CHST11: variants seen among roughly 807,000 people sequenced by gnomAD.
CHST11 encodes carbohydrate sulfotransferase 11, also known as C4S-1.
A neutral mutation model predicts 30.4 loss-of-function variants in CHST11; 9 were observed. The observed-to-expected ratio is 0.30, with a 90% CI of 0.18 to 0.52. The LOEUF (loss-of-function observed/expected upper bound fraction) is 0.52, where lower values mean the gene tolerates loss of function less well. CHST11 is among the 20% of genes least tolerant of loss of function. The probability of loss-of-function intolerance (pLI) is 0.97; values close to 1 mark genes in which losing one functional copy is unlikely to be tolerated. For synonymous variants in CHST11, 152 were observed against 187.8 expected (o/e 0.81, Z 1.56); for missense variants, 348 against 460.6 (o/e 0.76, Z 2.24).
At chr12:104,684,608 C>T (rs1232670965) in intron 2 of CHST11, among the ~76,000 whole-genome samples, 10 of 152,174 alleles carry the variant, frequency 6.6e-5, no homozygotes, top group Admixed American at 5.9e-4. Context: ...AGTGCAGTAG[C>T]GCGATCTCAG....
intron 1 of CHST11, among the ~76,000 whole-genome samples, chr12:104,482,530 T>TGGAAC (rs2135961772): frequency 6.6e-6 from 1 of 152,316 alleles, no homozygotes; most frequent in South Asian, 2.1e-4. Flanking sequence ...ATTTTGGCTT[T>TGGAAC]TCCCACAGAG....
chr12:104,741,807 G>A (rs1324090422), intron 2 of CHST11, among the ~76,000 whole-genome samples: 1 of 152,180 alleles, frequency 6.6e-6, no homozygotes, highest in Non-Finnish European at 1.5e-5. Flanking sequence ...ACCAGCCTCA[G>A]AATTGGCCTG....
At chr12:104,661,321 G>C (rs533175094) in intron 2 of CHST11, among the ~76,000 whole-genome samples, 1 of 152,052 alleles carries the variant, frequency 6.6e-6, no homozygotes, top group South Asian at 2.1e-4. Flanking sequence ...GAGATTACTA[G>C]TGTTTCCACC....
At chr12:104,723,120 A>G (rs2040191404) in intron 2 of CHST11, among the ~76,000 whole-genome samples, 1 of 152,194 alleles carries the variant, frequency 6.6e-6, no homozygotes, top group East Asian at 1.9e-4. Context: ...GTGTGAGCGT[A>G]GTATCACCTC....
At chr12:104,756,902 T>A in intron 2 of CHST11, 47 bp from the exon 3 acceptor site, 1 of 1,564,942 alleles carries the variant, frequency 6.4e-7, no homozygotes, top group Non-Finnish European at 8.6e-7. Context: ...AGTGGAAATG[T>A]TTCAGGCAAG....
At chr12:104,683,124 G>T (rs939348101) in intron 2 of CHST11, among the ~76,000 whole-genome samples, 1 of 152,196 alleles carries the variant, frequency 6.6e-6, no homozygotes, top group African/African-American at 2.4e-5. Flanking sequence ...GCAGGAGGTG[G>T]AATGGAGTAT....
chr12:104,457,458 G>C lies in CHST11; in HGVS notation c.47G>C (p.Arg16Pro). The change falls in exon 1 of 3, where the codon CGG becomes CCG. Residue 16 changes from arginine to proline, a missense_variant. Transcript: ENST00000303694. ...LEVMRMNRIC[R>P]MVLATCLGSF... ...GTGATGAGGATGAACAGAATCTGCC[G>C]GATGGTGCTGGCCACTTGCTTGGGA... The C allele has an allele frequency of 6.2e-7, 1 of 1,614,214 alleles. No homozygotes were observed.
At position 104,760,940 on chromosome 12, in the gene CHST11, T is replaced by A. The variant is rs1237713948; in HGVS notation, c.*3137T>A. The A allele has an allele frequency of 2.0e-5, 3 of 152,220 alleles. No homozygotes were observed. The allele number at this position is 152,220 out of a possible 1,614,324, so 9.4% of individuals were successfully genotyped here. ...AATATTTGAAACTGCTTTCTATGCA[T>A]GCTTAGCTGGAGAAAAGTACAGGCA... On this transcript the variant is annotated 3_prime_UTR_variant, in exon 3 of 3. Transcript: ENST00000303694.
intron 1 of CHST11, among the ~76,000 whole-genome samples, chr12:104,531,465 C>CAAAAAA (rs1439489189): frequency 0.014 from 1,652 of 119,718 alleles, 64 homozygotes; most frequent in African/African-American, 0.051. Context: ...ATCCTGTGTC[C>CAAAAAA]AAAAAAAAAA....
chr12:104,480,042 T>A (rs950048655), intron 1 of CHST11, among the ~76,000 whole-genome samples: 2 of 152,202 alleles, frequency 1.3e-5, no homozygotes, highest in Non-Finnish European at 2.9e-5. Flanking sequence ...TTTTCTTTAT[T>A]CTAAAGGAAG....
chr12:104,584,662 C>T (rs955665014), intron 1 of CHST11, among the ~76,000 whole-genome samples: 22 of 97,124 alleles, frequency 2.3e-4, no homozygotes, highest in Admixed American at 3.7e-4. Flanking sequence ...CTTAAAGCAG[C>T]GGTTTAAGTG....
At position 104,514,361 on chromosome 12, in the gene CHST11, C is replaced by T. The variant is rs141694200; in HGVS notation, c.118+56832C>T. On this transcript the variant is annotated intron_variant, in intron 1 of 2. Transcript: ENST00000303694. ...TCAAGCAGCAGCTCTTCTTCTATGC[C>T]ATTCTGGGCTTTGCCCTGTCTGAGG... The T allele has an allele frequency of 7.7e-4, 717 of 929,686 alleles. 1 individual carries two copies. The African/African-American group carries it at 0.011, about 14-fold the overall frequency. The allele number at this position is 929,686 out of a possible 1,614,324, so 57.6% of individuals were successfully genotyped here. A position where few individuals can be genotyped will look rare whatever the true frequency, so the allele number is the denominator to read the frequency against.
chr12:104,756,928 C>T (rs756509486), intron 2 of CHST11, 21 bp from the exon 3 acceptor site: 16 of 1,597,466 alleles, frequency 1.0e-5, no homozygotes, highest in Middle Eastern at 1.7e-4. Flanking sequence ...AGTTCTTATT[C>T]GTCTTGTGTC....
intron 1 of CHST11, among the ~76,000 whole-genome samples, chr12:104,536,663 A>G (rs1411347343): frequency 2.0e-5 from 3 of 152,168 alleles, no homozygotes; most frequent in Non-Finnish European, 4.4e-5. Flanking sequence ...TCTTCTATAA[A>G]GTGGAGATAC....
chr12:104,594,428 G>A (rs866919137), intron 1 of CHST11, among the ~76,000 whole-genome samples: 1 of 152,080 alleles, frequency 6.6e-6, no homozygotes, highest in African/African-American at 2.4e-5. Flanking sequence ...TGTAGTTTTC[G>A]GGAGGACTTA....
At chr12:104,488,910 C>T (rs2037717622) in intron 1 of CHST11, among the ~76,000 whole-genome samples, 2 of 152,040 alleles carry the variant, frequency 1.3e-5, no homozygotes, top group South Asian at 2.1e-4. Flanking sequence ...TAGGTTGGTT[C>T]CTCCTGAGGC....
At chr12:104,539,925 C>T (rs1250634184) in intron 1 of CHST11, among the ~76,000 whole-genome samples, 1 of 152,184 alleles carries the variant, frequency 6.6e-6, no homozygotes, top group Non-Finnish European at 1.5e-5. Flanking sequence ...CCTCCCACCT[C>T]AGCCTCCCAA....
At chr12:104,731,365 T>C (rs113888973) in intron 2 of CHST11, among the ~76,000 whole-genome samples, 1,600 of 152,314 alleles carry the variant, frequency 0.011, 31 homozygotes, top group African/African-American at 0.037. Flanking sequence ...AGAGATGTCA[T>C]CCTCCTCCAG....
In CHST11 at chr12:104,612,992, C is replaced by CA. The variant is rs200065586; in HGVS notation, c.204+11002dup. Among the ~76,000 whole-genome samples, 1,202 of 152,184 alleles carry CA rather than the reference C, an allele frequency of 7.9e-3. 22 individuals carry two copies. Among genetic ancestry groups the CA allele is most frequent in the African/African-American group, 0.027 (1,123 of 41,514 alleles). ...ATCCCAGCACTTTGGGAGGCTGAGG[C>CA]AGCCAGATTGCTTGAGGCCCAGGAG... On this transcript the variant is annotated intron_variant, in intron 2 of 2. Coordinates refer to ENST00000303694, the MANE Select transcript of CHST11 (RefSeq NM_018413.6).
Sources: gnomAD v4.1 joint callset for allele counts (sites outside exome capture counted in the v4.1 genomes callset) on GRCh38, gnomAD v4.1.1 for gene constraint, MANE v1.5 for transcripts, NCBI Gene and HGNC (gene_info 2026-07-23, HGNC 2026-07-21) for gene names.